The following RBFOX1 variants were observed in gnomAD, a reference collection of about 807,000 sequenced individuals.
RBFOX1 encodes RNA binding fox-1 homolog 1.
RBFOX1 carries 8 observed loss-of-function variants against 57.7 expected under a neutral mutation model. The observed-to-expected ratio is 0.14, with a 90% CI of 0.08 to 0.25. The LOEUF (loss-of-function observed/expected upper bound fraction) is 0.25, where lower values mean the gene tolerates loss of function less well. RBFOX1 is among the 10% of genes least tolerant of loss of function. RBFOX1 has a pLI of 1.00. For missense variants in RBFOX1, 611 were observed against 548.5 expected (o/e 1.11, Z -1.14); for synonymous variants, 326 against 222.4 (o/e 1.47, Z -4.15).
At chr16:5,320,897 G>A (rs1465530766) in intron 1 of RBFOX1, among the ~76,000 whole-genome samples, 1 of 152,178 alleles carries the variant, frequency 6.6e-6, no homozygotes, top group East Asian at 1.9e-4. Context: ...GTCTCCTGCT[G>A]TTGCCCCAGG....
At chr16:6,363,884 A>G (rs1157614763) in intron 2 of RBFOX1, among the ~76,000 whole-genome samples, 2 of 152,212 alleles carry the variant, frequency 1.3e-5, no homozygotes, top group African/African-American at 4.8e-5. Context: ...ATTAAATGAA[A>G]CTAGGTCTAC....
At chr16:7,131,778 G>C (rs1305302719) in intron 4 of RBFOX1, among the ~76,000 whole-genome samples, 1 of 151,886 alleles carries the variant, frequency 6.6e-6, no homozygotes, top group Non-Finnish European at 1.5e-5. Context: ...AGCTTGATTT[G>C]GGGCCTGTGA....
intron 1 of RBFOX1, among the ~76,000 whole-genome samples, chr16:5,437,785 C>G (rs187371876): frequency 1.3e-5 from 2 of 152,284 alleles, no homozygotes; most frequent in Admixed American, 6.5e-5. Context: ...ATTTCTTATA[C>G]TCTGTATTTT....
At chr16:5,366,496 C>T (rs1349373028) in intron 1 of RBFOX1, 2 of 428,660 alleles carry the variant, frequency 4.7e-6, no homozygotes, top group Admixed American at 5.8e-5. Flanking sequence ...CTTCAAGAAA[C>T]AGGAAAAAAC....
At chr16:6,828,780 G>C (rs894472890) in intron 3 of RBFOX1, among the ~76,000 whole-genome samples, 4 of 152,052 alleles carry the variant, frequency 2.6e-5, no homozygotes, top group Non-Finnish European at 5.9e-5. Context: ...CATGAATTCC[G>C]AGAATACCTA....
At chr16:5,756,561 G>A (rs1772598663) in intron 3 of RBFOX1, among the ~76,000 whole-genome samples, 2 of 152,134 alleles carry the variant, frequency 1.3e-5, no homozygotes, top group South Asian at 4.1e-4. Flanking sequence ...GAGGAGTAAT[G>A]AATAAAGACC....
intron 2 of RBFOX1, among the ~76,000 whole-genome samples, chr16:6,646,267 A>G (rs1407655037): frequency 1.3e-5 from 2 of 152,114 alleles, no homozygotes; most frequent in Non-Finnish European, 2.9e-5. Flanking sequence ...CATTTTTCCA[A>G]TTTGAGTCCA....
Position 5,854,574 on chromosome 16 carries a change from G to A in RBFOX1, c.319-12729G>A, listed in dbSNP as rs936524845. On this transcript the variant is annotated intron_variant, in intron 3 of 19. Coordinates refer to the RBFOX1 transcript ENST00000641259. ...CCTATCTTACCCCCCCCACACACAA[G>A]CACACATTCACACACACACACACAC... 2.3e-4 allele frequency among the ~76,000 whole-genome samples: 28 copies of A among 120,882 alleles called. No homozygotes were observed. In the Admixed American group the frequency reaches 2.4e-3, roughly 11 times the overall value. The allele number at this position is 120,882 out of a possible 152,430, so 79.3% of individuals were successfully genotyped here. A position where few individuals can be genotyped will look rare whatever the true frequency, so the allele number is the denominator to read the frequency against.
At chr16:6,740,627 A>C (rs76341083) in intron 3 of RBFOX1, among the ~76,000 whole-genome samples, 13,581 of 152,232 alleles carry the variant, frequency 0.089, 743 homozygotes, top group East Asian at 0.17. Context: ...AATACAATAC[A>C]ATTTTAATCA....
intron 3 of RBFOX1, among the ~76,000 whole-genome samples, chr16:6,729,424 G>A (rs578069299): frequency 3.4e-4 from 51 of 152,232 alleles, no homozygotes; most frequent in South Asian, 6.2e-4. Context: ...TCTTACAGGC[G>A]TTCTGACGGC....
intron 3 of RBFOX1, among the ~76,000 whole-genome samples, chr16:7,026,141 C>T (rs937625780): frequency 2.5e-4 from 38 of 152,142 alleles, no homozygotes; most frequent in Admixed American, 2.4e-3. Context: ...GCCAGAAGGC[C>T]TCCCTCTGCG....
At position 6,562,854 on chromosome 16, in the gene RBFOX1, TTCTTTCTTTCTTTCTTTCTTTCTTTC is replaced by T. The variant is rs1449738338; in HGVS notation, c.-63-91747_-63-91722del. ...TTCTTTTCTTTCTTTCTTTCTTTCT[TTCTTTCTTTCTTTCTTTCTTTCTTTC>T]TTTTTTTTTTTTTTTTTTGCATAGT... On this transcript the variant is annotated intron_variant, in intron 2 of 15. Coordinates refer to ENST00000550418, the MANE Select transcript of RBFOX1 (RefSeq NM_018723.4). Among the ~76,000 whole-genome samples, 312 of 53,688 alleles carry T rather than the reference TTCTTTCTTTCTTTCTTTCTTTCTTTC, an allele frequency of 5.8e-3. 7 individuals are homozygous for T. The highest frequency in any genetic ancestry group is 0.035 in the African/African-American group (294 of 8,492). The allele number at this position is 53,688 out of a possible 152,430, so 35.2% of individuals were successfully genotyped here. A position where few individuals can be genotyped will look rare whatever the true frequency, so the allele number is the denominator to read the frequency against.
At chr16:7,045,910 G>A (rs144866605) in intron 3 of RBFOX1, among the ~76,000 whole-genome samples, 22 of 152,086 alleles carry the variant, frequency 1.4e-4, no homozygotes, top group South Asian at 6.2e-4. Context: ...TGCCCACCTC[G>A]GCCTCCCAAA....
intron 2 of RBFOX1, among the ~76,000 whole-genome samples, chr16:6,485,637 A>G (rs570200238): frequency 9.2e-5 from 14 of 152,304 alleles, no homozygotes; most frequent in African/African-American, 2.6e-4. Flanking sequence ...TGAATATTCA[A>G]ACTTTTTTAT....
intron 1 of RBFOX1, among the ~76,000 whole-genome samples, chr16:5,307,799 G>A (rs1353425586): frequency 6.6e-6 from 1 of 152,084 alleles, no homozygotes; most frequent in Admixed American, 6.6e-5. Flanking sequence ...TCAGCCCCCT[G>A]AGTAGCTATG....
chr16:6,961,035 C>G (rs955373474), intron 3 of RBFOX1, among the ~76,000 whole-genome samples: 1 of 150,272 alleles, frequency 6.7e-6, no homozygotes, highest in African/African-American at 2.5e-5. Flanking sequence ...TCCAGCTACT[C>G]AGGAGGCTGA....
intron 14 of RBFOX1, among the ~76,000 whole-genome samples, chr16:7,697,869 C>A (rs1186568873): frequency 1.3e-5 from 2 of 152,172 alleles, no homozygotes; most frequent in Non-Finnish European, 2.9e-5. Flanking sequence ...CCCAAGGGCA[C>A]TGTATGATTC....
chr16:7,545,016 G>T (rs1196330726), intron 5 of RBFOX1, among the ~76,000 whole-genome samples: 1 of 152,188 alleles, frequency 6.6e-6, no homozygotes, highest in Non-Finnish European at 1.5e-5. Flanking sequence ...TGAGGACTAA[G>T]CCGAGCAGTA....
chr16:6,042,121 G>C (rs1181694859), intron 1 of RBFOX1, among the ~76,000 whole-genome samples: 2 of 141,198 alleles, frequency 1.4e-5, no homozygotes, highest in African/African-American at 2.6e-5. Context: ...TTTTTTTTGA[G>C]ACAGAGTCTC....
Sources: gnomAD v4.1 joint callset for allele counts (sites outside exome capture counted in the v4.1 genomes callset) on GRCh38, gnomAD v4.1.1 for gene constraint, MANE v1.5 for transcripts, NCBI Gene and HGNC (gene_info 2026-07-23, HGNC 2026-07-21) for gene names.